Variants in DGKD observed in about 807,000 individuals in gnomAD.
The protein encoded by DGKD is DAG kinase delta.
In DGKD, 68 loss-of-function variants were observed where a neutral mutation model predicts 154.4. The ratio of observed to expected loss-of-function variants is 0.44; its 90% CI spans 0.36 to 0.54. DGKD has a LOEUF of 0.54. DGKD is among the 20% of genes least tolerant of loss of function. The pLI, the probability that DGKD is intolerant of heterozygous loss-of-function variation, is 0.00. For missense variants in DGKD, 1,343 were observed against 1,593.6 expected (o/e 0.84, Z 2.68); for synonymous variants, 693 against 638.0 (o/e 1.09, Z -1.30).
At chr2:233,463,316 C>T (rs1415635758) in intron 26 of DGKD, among the ~76,000 whole-genome samples, 1 of 151,654 alleles carries the variant, frequency 6.6e-6, no homozygotes, top group Non-Finnish European at 1.5e-5. Flanking sequence ...CCACACATCA[C>T]CTCACTCCAC....
intron 1 of DGKD, chr2:233,385,893 A>C: frequency 2.3e-6 from 1 of 426,220 alleles, no homozygotes; most frequent in Non-Finnish European, 4.7e-6. Flanking sequence ...GAAACCCACC[A>C]GTCTTTTTCT....
chr2:233,381,801 C>G lies in DGKD; in HGVS notation c.157-6456C>G, dbSNP rs13415911. On this transcript the variant is annotated intron_variant, in intron 1 of 29. Coordinates refer to ENST00000264057, the MANE Select transcript of DGKD (RefSeq NM_152879.3). Reference sequence around the variant, plus strand: ...TGTGACCTGTCATTAGTTGTTCAACCGGGCAAGTTACTCAGTCTCTCTGTT... The same window carrying G: ...TGTGACCTGTCATTAGTTGTTCAACGGGGCAAGTTACTCAGTCTCTCTGTT... 2.6e-5 allele frequency among the ~76,000 whole-genome samples: 4 copies of G among 152,242 alleles called. No individual in the cohort carries two copies. In the East Asian group the frequency reaches 7.7e-4, roughly 29 times the overall value.
intron 3 of DGKD, chr2:233,392,381 A>C (rs1216272741): frequency 6.6e-6 from 1 of 152,190 alleles, no homozygotes; most frequent in Non-Finnish European, 1.5e-5. Flanking sequence ...TTTCCTAATA[A>C]AAAAATTATT....
At chr2:233,435,726 T>C in intron 5 of DGKD, 92 bp from the exon 6 acceptor site, 2 of 1,219,058 alleles carry the variant, frequency 1.6e-6, no homozygotes, top group Non-Finnish European at 2.3e-6. Flanking sequence ...CCTTGACTTT[T>C]CTGGAGCTGG....
chr2:233,417,031 TTTTTTTA>T (rs2061977083), intron 3 of DGKD, among the ~76,000 whole-genome samples: 2 of 152,248 alleles, frequency 1.3e-5, no homozygotes, highest in East Asian at 3.9e-4. Flanking sequence ...CCTGTGTGCA[TTTTTTTA>T]TTTTTTATTT....
intron 3 of DGKD, among the ~76,000 whole-genome samples, chr2:233,394,288 G>C (rs1703847619): frequency 6.6e-6 from 1 of 151,994 alleles, no homozygotes; most frequent in Non-Finnish European, 1.5e-5. Flanking sequence ...TATCACCTGG[G>C]TTGGAGTGAA....
intron 3 of DGKD, among the ~76,000 whole-genome samples, chr2:233,400,883 C>T (rs946945573): frequency 6.6e-6 from 1 of 152,090 alleles, no homozygotes; most frequent in Non-Finnish European, 1.5e-5. Flanking sequence ...GTTCAGTTGC[C>T]TTTTACTTCC....
intron 2 of DGKD, chr2:233,388,606 A>G: frequency 2.7e-6 from 1 of 369,142 alleles, no homozygotes; most frequent in Non-Finnish European, 4.8e-6. Flanking sequence ...AATGGGGAAA[A>G]GGAAAAAAGG....
intron 1 of DGKD, among the ~76,000 whole-genome samples, chr2:233,367,683 C>T (rs930355767): frequency 6.6e-6 from 1 of 152,084 alleles, no homozygotes; most frequent in African/African-American, 2.4e-5. Context: ...TTCAAAGACT[C>T]TCACTTCTAT....
At chr2:233,447,602 C>T in intron 12 of DGKD, 1 of 986,676 alleles carries the variant, frequency 1.0e-6, no homozygotes, top group South Asian at 4.7e-5. Context: ...AGTTTGCGAC[C>T]CTGGGGCTGG....
At position 233,467,132 on chromosome 2, in the gene DGKD, G is replaced by A; in HGVS notation, c.3353G>A (p.Arg1118His). 7 of 1,614,188 alleles carry A rather than the reference G, an allele frequency of 4.3e-6. No individual in the cohort carries two copies. Among genetic ancestry groups the A allele is most frequent in the South Asian group, 2.2e-5 (2 of 91,082 alleles). Residue 1118 changes from arginine to histidine, a missense_variant, in exon 28 of 30, where the codon CGC becomes CAC. This residue lies in a region of DGKD where 429 missense variants were observed against 496.3 expected (regional missense o/e 0.86). Transcript: ENST00000264057. The part of the protein sequence containing the change: ...LAKRSRSGKF[R>H]LVTKFKKEKN... ...AAGCGCAGTCGCAGTGGTAAATTCCGCCTCGTGACCAAGTTTAAAAAGGAG... is the reference window on the plus strand; with the variant it reads ...AAGCGCAGTCGCAGTGGTAAATTCCACCTCGTGACCAAGTTTAAAAAGGAG...
chr2:233,365,598 G>T (rs1046218199), intron 1 of DGKD, among the ~76,000 whole-genome samples: 3 of 152,078 alleles, frequency 2.0e-5, no homozygotes, highest in East Asian at 1.9e-4. Context: ...CCTAACAATT[G>T]TAGAATCTAA....
At chr2:233,418,023 T>G (rs1020266807) in intron 3 of DGKD, among the ~76,000 whole-genome samples, 1 of 152,252 alleles carries the variant, frequency 6.6e-6, no homozygotes, top group Non-Finnish European at 1.5e-5. Context: ...GGCCTTTTTC[T>G]GTGAATATTA....
At position 233,459,946 on chromosome 2, in the gene DGKD, C is replaced by T. The variant is rs2063572655; in HGVS notation, c.2829+55C>T. On this transcript the variant is annotated intron_variant, in intron 23 of 29. Coordinates refer to ENST00000264057, the MANE Select transcript of DGKD (RefSeq NM_152879.3). This position sits in a 1 kb window ranked among gnomAD's most constrained non-coding sequence, Gnocchi z 5.7. ...GGGGTACAGGGCTCACCTGTGGGCTCTTGTGTGCACTGTTAAGAGCTGGAG... is the reference window on the plus strand; with the variant it reads ...GGGGTACAGGGCTCACCTGTGGGCTTTTGTGTGCACTGTTAAGAGCTGGAG... 2 of 1,566,364 alleles carry T rather than the reference C, an allele frequency of 1.3e-6. No homozygotes were observed. Among genetic ancestry groups the T allele is most frequent in the Non-Finnish European group, 1.7e-6 (2 of 1,159,738 alleles).
At chr2:233,425,704 A>G (rs552746336) in intron 3 of DGKD, among the ~76,000 whole-genome samples, 1 of 152,348 alleles carries the variant, frequency 6.6e-6, no homozygotes, top group East Asian at 1.9e-4. Flanking sequence ...ATATAAGAAC[A>G]TGTAGAGTAG....
chr2:233,420,912 T>C (rs1386394902), intron 3 of DGKD, among the ~76,000 whole-genome samples: 1 of 152,154 alleles, frequency 6.6e-6, no homozygotes, highest in Non-Finnish European at 1.5e-5. Context: ...CTTCGTCTTC[T>C]TGGCACATGG....
At chr2:233,443,154 A>G (rs2062955165) in intron 10 of DGKD, among the ~76,000 whole-genome samples, 1 of 152,206 alleles carries the variant, frequency 6.6e-6, no homozygotes, top group Non-Finnish European at 1.5e-5. Context: ...TGATGCCTTT[A>G]AAGCTGTCTT....
At chr2:233,424,075 T>C (rs1299506656) in intron 3 of DGKD, among the ~76,000 whole-genome samples, 1 of 151,790 alleles carries the variant, frequency 6.6e-6, no homozygotes, top group Non-Finnish European at 1.5e-5. Context: ...GAAGAGGGGG[T>C]CCATTCAGAA....
chr2:233,365,102 AAC>A (rs1383899115), intron 1 of DGKD, among the ~76,000 whole-genome samples: 2 of 152,248 alleles, frequency 1.3e-5, no homozygotes, highest in African/African-American at 4.8e-5. Flanking sequence ...AAGAAAAATT[AAC>A]ACAATTGTAA....
Sources: allele counts gnomAD v4.1 joint callset (sites outside exome capture counted in the v4.1 genomes callset), GRCh38; gene constraint gnomAD v4.1.1; regional missense constraint gnomAD v4.1.1; non-coding constraint Gnocchi (gnomAD v3.1); transcripts MANE v1.5; gene names NCBI Gene and HGNC (gene_info 2026-07-23, HGNC 2026-07-21).